GALNTL6: variants seen among roughly 807,000 people sequenced by gnomAD.
GALNTL6 encodes polypeptide N-acetylgalactosaminyltransferase-like 6.
Under a neutral mutation model 73.7 loss-of-function variants are expected in GALNTL6, and 46 were observed. The observed-to-expected ratio is 0.62, with a 90% confidence interval of 0.49 to 0.80. GALNTL6 has a LOEUF of 0.80. Ranked by LOEUF, GALNTL6 falls within the 30% of genes least tolerant of loss-of-function variation. The pLI is 0.00. For synonymous variants in GALNTL6, 259 were observed against 263.7 expected (o/e 0.98, Z 0.17); for missense variants, 604 against 755.0 (o/e 0.80, Z 2.34).
Position 172,141,412 on chromosome 4 carries a change from G to A in GALNTL6, c.139-88244G>A, listed in dbSNP as rs566119694. Reference sequence around the variant, plus strand: ...GTGATATACATTCTGTGCCCAATCCGTCATTTGTCAGATGGTACGAGTACA... The same window carrying A: ...GTGATATACATTCTGTGCCCAATCCATCATTTGTCAGATGGTACGAGTACA... On this transcript the variant is annotated intron_variant, in intron 2 of 12. Transcript: ENST00000506823. Among the ~76,000 whole-genome samples, 4 of 152,038 alleles carry A rather than the reference G, an allele frequency of 2.6e-5. No homozygotes were observed. In the South Asian group the frequency reaches 6.2e-4, roughly 24 times the overall value.
intron 7 of GALNTL6, among the ~76,000 whole-genome samples, chr4:172,855,674 T>C (rs1329987068): frequency 6.6e-6 from 1 of 152,172 alleles, no homozygotes; most frequent in Non-Finnish European, 1.5e-5. Flanking sequence ...GTATTTGCTT[T>C]TTAAAAGACT....
intron 5 of GALNTL6, among the ~76,000 whole-genome samples, chr4:172,748,349 G>A (rs1028058213): frequency 7.2e-5 from 11 of 151,938 alleles, no homozygotes; most frequent in Non-Finnish European, 1.2e-4. Context: ...CCAATTAACC[G>A]AATGTTCACA....
At chr4:171,853,892 G>A (rs370985843) in intron 2 of GALNTL6, among the ~76,000 whole-genome samples, 2 of 152,058 alleles carry the variant, frequency 1.3e-5, no homozygotes, top group African/African-American at 2.4e-5. Flanking sequence ...GATTACAGGC[G>A]TGAGCCACCG....
At chr4:171,876,064 T>A (rs186829178) in intron 2 of GALNTL6, among the ~76,000 whole-genome samples, 15 of 152,190 alleles carry the variant, frequency 9.9e-5, no homozygotes, top group Non-Finnish European at 2.2e-4. Flanking sequence ...TAGACACAAA[T>A]GTAAATATAT....
At chr4:172,987,157 A>C (rs1239897111) in intron 10 of GALNTL6, among the ~76,000 whole-genome samples, 1 of 152,176 alleles carries the variant, frequency 6.6e-6, no homozygotes, top group Non-Finnish European at 1.5e-5. Context: ...GTCCATTCTC[A>C]CACTGCTAAT....
At chr4:172,010,737 A>G (rs963094243) in intron 2 of GALNTL6, among the ~76,000 whole-genome samples, 2 of 152,100 alleles carry the variant, frequency 1.3e-5, no homozygotes, top group Non-Finnish European at 2.9e-5. Flanking sequence ...AAACACTATC[A>G]GTGTCTTCTA....
At chr4:172,593,388 A>G (rs1297367948) in intron 5 of GALNTL6, among the ~76,000 whole-genome samples, 1 of 152,194 alleles carries the variant, frequency 6.6e-6, no homozygotes, top group Non-Finnish European at 1.5e-5. Context: ...TAGTTTCTTT[A>G]ACTGGATATA....
chr4:172,369,144 C>G (rs1237607794), intron 5 of GALNTL6, among the ~76,000 whole-genome samples: 1 of 152,162 alleles, frequency 6.6e-6, no homozygotes. Context: ...GTCCATTTTA[C>G]AGAGAGCTGA....
chr4:172,015,923 A>ATTTTTTTTTTTTT (rs70941375), intron 2 of GALNTL6, among the ~76,000 whole-genome samples: 54 of 44,090 alleles, frequency 1.2e-3, no homozygotes, highest in Non-Finnish European at 1.6e-3. Flanking sequence ...ATCTAATAGG[A>ATTTTTTTTTTTTT]TTTTTTTTTT....
intron 2 of GALNTL6, among the ~76,000 whole-genome samples, chr4:171,991,986 A>C (rs1430106406): frequency 6.6e-6 from 1 of 151,908 alleles, no homozygotes; most frequent in Non-Finnish European, 1.5e-5. Context: ...ATGAAGTGTA[A>C]CTAATCAACA....
At position 172,022,699 on chromosome 4, in the gene GALNTL6, GA is replaced by G. The variant is rs567611475; in HGVS notation, c.139-206947del. Among the ~76,000 whole-genome samples the G allele has an allele frequency of 8.1e-3, 1,214 of 149,360 alleles. 7 individuals are homozygous for G. The highest frequency in any genetic ancestry group is 0.02 in the South Asian group (94 of 4,734). On this transcript the variant is annotated intron_variant, in intron 2 of 12. Coordinates refer to ENST00000506823, the MANE Select transcript of GALNTL6 (RefSeq NM_001034845.3). ...ATTACTTTCTGTGTCCCTGTTTGGGGAAAAAAAAAACCCTCCATTCCTTGGT... is the reference window on the plus strand; with the variant it reads ...ATTACTTTCTGTGTCCCTGTTTGGGGAAAAAAAAACCCTCCATTCCTTGGT...
chr4:172,181,891 G>A (rs1735257091), intron 2 of GALNTL6, among the ~76,000 whole-genome samples: 1 of 151,506 alleles, frequency 6.6e-6, no homozygotes, highest in Non-Finnish European at 1.5e-5. Context: ...AATTTTTTTT[G>A]TATTTTTAGT....
At chr4:172,379,536 CAAAAAAAAAA>C (rs71592073) in intron 5 of GALNTL6, among the ~76,000 whole-genome samples, 1 of 75,714 alleles carries the variant, frequency 1.3e-5, no homozygotes, top group Admixed American at 1.8e-4. Context: ...GACTCCGTCT[CAAAAAAAAAA>C]AAAAAAAAAA....
At chr4:172,127,864 AGG>A (rs1433555751) in intron 2 of GALNTL6, among the ~76,000 whole-genome samples, 1 of 152,164 alleles carries the variant, frequency 6.6e-6, no homozygotes, top group African/African-American at 2.4e-5. Context: ...GCACTTCGGG[AGG>A]CCAAGGTGAG....
chr4:172,584,748 T>C (rs911251887), intron 5 of GALNTL6, among the ~76,000 whole-genome samples: 5 of 152,210 alleles, frequency 3.3e-5, no homozygotes, highest in African/African-American at 1.2e-4. Flanking sequence ...AAGTACAGTC[T>C]GTAGCTGGAT....
chr4:172,679,342 C>T lies in GALNTL6; in HGVS notation c.554-130019C>T, dbSNP rs571808247. ...AGGAGACTCACTTGAACCCTGGAGG[C>T]GGAGGTTGTAGTGAGCTGAGATTGC... On this transcript the variant is annotated intron_variant, in intron 5 of 12. Transcript: ENST00000506823. Among the ~76,000 whole-genome samples, 6 of 149,998 alleles carry T rather than the reference C, an allele frequency of 4.0e-5. No homozygotes were observed. The South Asian group carries it at 6.4e-4, about 16-fold the overall frequency.
intron 2 of GALNTL6, among the ~76,000 whole-genome samples, chr4:171,902,892 AG>A (rs1737143459): frequency 1.3e-5 from 2 of 152,186 alleles, no homozygotes; most frequent in Non-Finnish European, 2.9e-5. Context: ...CCTATCAAGA[AG>A]GTCAATATAG....
chr4:171,904,046 A>T (rs1352845682), intron 2 of GALNTL6, among the ~76,000 whole-genome samples: 1 of 152,134 alleles, frequency 6.6e-6, no homozygotes, highest in Non-Finnish European at 1.5e-5. Context: ...GATGGGGAAA[A>T]AACAGAGCAG....
intron 2 of GALNTL6, among the ~76,000 whole-genome samples, chr4:171,865,072 G>C (rs565596698): frequency 1.1e-4 from 17 of 152,076 alleles, no homozygotes; most frequent in Admixed American, 1.1e-3. Context: ...CTTGACCCCG[G>C]GAGGCGGAGA....
Sources: allele counts gnomAD v4.1 joint callset (sites outside exome capture counted in the v4.1 genomes callset), GRCh38; gene constraint gnomAD v4.1.1; transcripts MANE v1.5; gene names NCBI Gene and HGNC (gene_info 2026-07-23, HGNC 2026-07-21).